The following SLC6A13 variants were observed in gnomAD, a reference collection of about 807,000 sequenced individuals.
SLC6A13 encodes the protein solute carrier family 6 member 13.
SLC6A13 carries 69 observed loss-of-function variants against 72.9 expected under a neutral mutation model. The observed-to-expected ratio is 0.95, with a 90% CI of 0.78 to 1.16. The LOEUF (loss-of-function observed/expected upper bound fraction) is 1.16. SLC6A13 is among the 50% of genes most tolerant of loss of function. SLC6A13 has a pLI of 0.00. For synonymous variants in SLC6A13, 303 were observed against 303.0 expected (o/e 1.00, Z 0.00); for missense variants, 735 against 760.5 (o/e 0.97, Z 0.39).
rs748107973 is a variant in SLC6A13, at chr12:237,151, C to A, written c.696+7G>T. Reference sequence around the variant, plus strand: ...GAATGGGAGGGGCAGGAGCTCCCCACACGAACCTTGCCTGTGGACTTCACC... The same window carrying A: ...GAATGGGAGGGGCAGGAGCTCCCCAAACGAACCTTGCCTGTGGACTTCACC... On this transcript the variant is annotated splice_region_variant and intron_variant, in intron 6 of 14. Coordinates refer to ENST00000343164, the MANE Select transcript of SLC6A13 (RefSeq NM_016615.5). 32 of 1,613,760 alleles carry A rather than the reference C, an allele frequency of 2.0e-5. No homozygotes were observed. Among genetic ancestry groups the A allele is most frequent in the Non-Finnish European group, 2.5e-5 (29 of 1,179,884 alleles).
intron 2 of SLC6A13, chr12:257,258 T>A (rs1591872466): frequency 6.6e-6 from 1 of 151,324 alleles, no homozygotes; most frequent in East Asian, 1.9e-4. Context: ...ACATCCTTGA[T>A]CAGCCCGCTT....
chr12:244,583 G>T (rs377745048), intron 2 of SLC6A13, among the ~76,000 whole-genome samples: 3 of 152,068 alleles, frequency 2.0e-5, no homozygotes, highest in Admixed American at 2.0e-4. Flanking sequence ...CTAGCTACTC[G>T]GGAGGCTGAG....
chr12:252,902 C>T (rs981121038), intron 2 of SLC6A13, among the ~76,000 whole-genome samples: 1 of 152,116 alleles, frequency 6.6e-6, no homozygotes, highest in Admixed American at 6.5e-5. Context: ...GGGACAAAGT[C>T]CACACCTGCA....
Position 220,698 on chromosome 12 carries a change from G to T in SLC6A13, c.*250C>A. Reference sequence around the variant, plus strand: ...CCAGCAAGTCTCGCCCCACCTACCAGCCCCCACCCAGCTTCCCAAGGGTCT... The same window carrying T: ...CCAGCAAGTCTCGCCCCACCTACCATCCCCCACCCAGCTTCCCAAGGGTCT... On this transcript the variant is annotated 3_prime_UTR_variant, in exon 15 of 15. Transcript: ENST00000343164. The T allele has an allele frequency of 2.2e-6, 1 of 455,934 alleles. No homozygotes were observed. The allele number at this position is 455,934 out of a possible 1,614,324, so 28.2% of individuals were successfully genotyped here.
In SLC6A13 at chr12:224,096, C is replaced by T. The variant is rs756070197; in HGVS notation, c.1207G>A (p.Val403Met). ...VCVESLVTAL[V>M]DMYPHVFRKK... Reference sequence around the variant, plus strand: ...CGGAACACGTGAGGGTACATGTCCACCAGCGCTGTCACCAGGCTTTCTACA... The same window carrying T: ...CGGAACACGTGAGGGTACATGTCCATCAGCGCTGTCACCAGGCTTTCTACA... Residue 403 changes from valine (V) to methionine (M), a missense_variant, in exon 11 of 15, where the codon GTG becomes ATG. Val to Met is a conservative substitution (Grantham distance 21). Coordinates refer to ENST00000343164, the MANE Select transcript of SLC6A13 (RefSeq NM_016615.5). The T allele has an allele frequency of 6.2e-7, 1 of 1,614,200 alleles. No individual in the cohort carries two copies. The highest frequency in any genetic ancestry group is 8.5e-7 in the Non-Finnish European group (1 of 1,180,032).
chr12:226,385 C>G lies in SLC6A13; in HGVS notation c.1060+5G>C, dbSNP rs577483541. 5.8e-5 allele frequency: 93 copies of G among 1,613,842 alleles called. No individual in the cohort carries two copies. Among genetic ancestry groups the G allele is most frequent in the Non-Finnish European group, 7.0e-5 (83 of 1,179,772 alleles). On this transcript the variant is annotated splice_donor_5th_base_variant and intron_variant, in intron 9 of 14. Transcript: ENST00000343164. Reference sequence around the variant, plus strand: ...CTGCCTCCAGGCCTCCCCAGTAACACTCACCTGACTCGGCCACCTCAGAAA... The same window carrying G: ...CTGCCTCCAGGCCTCCCCAGTAACAGTCACCTGACTCGGCCACCTCAGAAA...
At chr12:224,886 T>C (rs496206) in intron 9 of SLC6A13, among the ~76,000 whole-genome samples, 72,896 of 152,088 alleles carry the variant, frequency 0.48, 18,397 homozygotes, top group East Asian at 0.75. Flanking sequence ...TAGTGCAGAA[T>C]GCAAGGAGGT....
rs751712343 is a variant in SLC6A13 at position 243,777 on chromosome 12, G to A, written c.239C>T (p.Thr80Ile). 3 of 1,614,188 alleles carry A rather than the reference G, an allele frequency of 1.9e-6. No homozygotes were observed. The East Asian group carries it at 6.7e-5, about 36-fold the overall frequency. Residue 80 changes from threonine to isoleucine, a missense_variant, in exon 3 of 15, where the codon ACC becomes ATC. Coordinates refer to ENST00000343164, the MANE Select transcript of SLC6A13 (RefSeq NM_016615.5). The stretch of plus-strand genomic sequence containing the variant: ...CAGAAGGAAGACAGGAATGCCACAG[G>A]TAAAGAGGAAGACGAGGTAGGGGAT... The part of the protein sequence containing the change: ...FFIPYLVFLF[T>I]CGIPVFLLET...
chr12:241,025 G>A (rs970668279), intron 4 of SLC6A13, among the ~76,000 whole-genome samples: 2 of 152,194 alleles, frequency 1.3e-5, no homozygotes, highest in Admixed American at 1.3e-4. Context: ...AAAGAATTGG[G>A]CTGGGCACAG....
At chr12:256,844 G>A (rs556777454) in intron 2 of SLC6A13, among the ~76,000 whole-genome samples, 16 of 152,178 alleles carry the variant, frequency 1.1e-4, no homozygotes, top group African/African-American at 3.1e-4. Flanking sequence ...CAGGCCAGTC[G>A]GGTACGTTAC....
chr12:230,606 C>T (rs777654600), intron 7 of SLC6A13, among the ~76,000 whole-genome samples: 12 of 152,140 alleles, frequency 7.9e-5, no homozygotes, highest in Admixed American at 1.3e-4. Flanking sequence ...TAAAAAGCAG[C>T]TCTTAAAACT....
intron 2 of SLC6A13, among the ~76,000 whole-genome samples, chr12:248,590 G>A (rs2137306793): frequency 6.6e-6 from 1 of 152,226 alleles, no homozygotes; most frequent in South Asian, 2.1e-4. Flanking sequence ...AGTATTTCAA[G>A]TGCATATTCA....
chr12:255,524 C>T (rs945184229), intron 2 of SLC6A13, among the ~76,000 whole-genome samples: 1 of 152,236 alleles, frequency 6.6e-6, no homozygotes, highest in African/African-American at 2.4e-5. Context: ...GGCAAAACCT[C>T]GTCTCAACTA....
At chr12:246,455 C>T (rs1246033514) in intron 2 of SLC6A13, among the ~76,000 whole-genome samples, 1 of 152,144 alleles carries the variant, frequency 6.6e-6, no homozygotes, top group Non-Finnish European at 1.5e-5. Context: ...TTGAACCTGA[C>T]CCATAATTTA....
intron 4 of SLC6A13, among the ~76,000 whole-genome samples, chr12:239,298 G>A (rs1942074731): frequency 1.6e-5 from 1 of 62,810 alleles, no homozygotes; most frequent in Admixed American, 1.4e-4. Flanking sequence ...CTGCACACGT[G>A]GGGTGTGTTG....
At chr12:234,070 G>T (rs1359928093) in intron 7 of SLC6A13, among the ~76,000 whole-genome samples, 1 of 152,156 alleles carries the variant, frequency 6.6e-6, no homozygotes, top group African/African-American at 2.4e-5. Flanking sequence ...AACCAAGATG[G>T]CAACAGAAGT....
At chr12:246,482 A>G (rs1348215808) in intron 2 of SLC6A13, among the ~76,000 whole-genome samples, 2 of 152,238 alleles carry the variant, frequency 1.3e-5, no homozygotes, top group Non-Finnish European at 2.9e-5. Context: ...TGTTAGAATT[A>G]GCAGATGAGA....
At chr12:251,252 A>G (rs909727758) in intron 2 of SLC6A13, among the ~76,000 whole-genome samples, 1 of 152,200 alleles carries the variant, frequency 6.6e-6, no homozygotes, top group African/African-American at 2.4e-5. Context: ...TAATGAACAC[A>G]GTGTGGTACT....
At chr12:222,206 T>C (rs1157340915) in intron 13 of SLC6A13, among the ~76,000 whole-genome samples, 1 of 152,220 alleles carries the variant, frequency 6.6e-6, no homozygotes, top group Non-Finnish European at 1.5e-5. Context: ...CTATACCGGC[T>C]GCTATTAGGA....
Sources: allele counts gnomAD v4.1 joint callset (sites outside exome capture counted in the v4.1 genomes callset), GRCh38; gene constraint gnomAD v4.1.1; transcripts MANE v1.5; gene names NCBI Gene and HGNC (gene_info 2026-07-23, HGNC 2026-07-21).